The following KCNMB2 variants were observed in gnomAD, a reference collection of about 807,000 sequenced individuals.
The protein encoded by KCNMB2 is potassium calcium-activated channel subfamily M regulatory beta subunit 2.
Under a neutral mutation model 24.5 loss-of-function variants are expected in KCNMB2, and 9 were observed. The observed-to-expected ratio is 0.37, with a 90% confidence interval of 0.22 to 0.64. The LOEUF (loss-of-function observed/expected upper bound fraction) is 0.64, where lower values mean the gene tolerates loss of function less well. Among genes scored for constraint, KCNMB2 ranks in the 30% least tolerant of loss-of-function variants. The pLI, the probability that KCNMB2 is intolerant of heterozygous loss-of-function variation, is 0.63. For synonymous variants in KCNMB2, 109 were observed against 104.4 expected (o/e 1.04, Z -0.27); for missense variants, 226 against 284.3 (o/e 0.79, Z 1.47).
At chr3:178,654,963 A>G (rs111346588) in intron 1 of KCNMB2, among the ~76,000 whole-genome samples, 9 of 152,254 alleles carry the variant, frequency 5.9e-5, no homozygotes, top group African/African-American at 1.9e-4. Flanking sequence ...TACCTCAGAG[A>G]GCAGTCATGA....
At chr3:178,621,817 G>T (rs1274739521) in intron 1 of KCNMB2, among the ~76,000 whole-genome samples, 4 of 152,150 alleles carry the variant, frequency 2.6e-5, no homozygotes, top group Non-Finnish European at 5.9e-5. Context: ...GATCAGAAAG[G>T]TTAGTTAACT....
At chr3:178,695,276 C>A (rs13079900) in intron 1 of KCNMB2, among the ~76,000 whole-genome samples, 47,949 of 151,648 alleles carry the variant, frequency 0.32, 8,045 homozygotes, top group African/African-American at 0.43. Context: ...GCTCAGGAAA[C>A]CTTTTTTCCC....
intron 1 of KCNMB2, among the ~76,000 whole-genome samples, chr3:178,546,198 C>T (rs1715766946): frequency 6.6e-6 from 1 of 152,012 alleles, no homozygotes; most frequent in African/African-American, 2.4e-5. Flanking sequence ...AGAACTGGTA[C>T]AAAGAAAACT....
intron 1 of KCNMB2, among the ~76,000 whole-genome samples, chr3:178,552,263 C>A (rs866108321): frequency 6.6e-6 from 1 of 152,082 alleles, no homozygotes; most frequent in Non-Finnish European, 1.5e-5. Flanking sequence ...TGAGGAGTTG[C>A]GAAAGAGAAA....
chr3:178,750,243 C>T (rs1723798681), intron 1 of KCNMB2, among the ~76,000 whole-genome samples: 1 of 151,442 alleles, frequency 6.6e-6, no homozygotes, highest in Admixed American at 6.6e-5. Flanking sequence ...GAAAATAGGG[C>T]ATGGTGATGT....
chr3:178,537,075 T>A (rs539525953), intron 1 of KCNMB2, among the ~76,000 whole-genome samples: 1 of 152,148 alleles, frequency 6.6e-6, no homozygotes, highest in Non-Finnish European at 1.5e-5. Flanking sequence ...GTGGAAGGCA[T>A]AAAGGTCCAA....
intron 1 of KCNMB2, among the ~76,000 whole-genome samples, chr3:178,657,149 T>G (rs1459242108): frequency 6.6e-6 from 1 of 152,188 alleles, no homozygotes; most frequent in Admixed American, 6.5e-5. Flanking sequence ...GAGGCAATAT[T>G]AAACCTCAAT....
rs564324011 is a variant in KCNMB2, at chr3:178,760,250, C to CTA, written c.-67-47086_-67-47085dup. Among the ~76,000 whole-genome samples the CTA allele has an allele frequency of 2.5e-4, 10 of 40,098 alleles. 2 individuals are homozygous for CTA. Among genetic ancestry groups the CTA allele is most frequent in the African/African-American group, 1.3e-3 (9 of 6,772 alleles). The allele number at this position is 40,098 out of a possible 152,430, so 26.3% of individuals were successfully genotyped here. A position where few individuals can be genotyped will look rare whatever the true frequency, so the allele number is the denominator to read the frequency against. ...TATAGATATATCCAAGAGGATATAT[C>CTA]TATATATAGATATATCCAAGAGGAT... On this transcript the variant is annotated intron_variant, in intron 1 of 4. Coordinates refer to ENST00000452583, the MANE Select transcript of KCNMB2 (RefSeq NM_181361.3).
At chr3:178,745,023 T>G (rs915618844) in intron 1 of KCNMB2, among the ~76,000 whole-genome samples, 1 of 152,248 alleles carries the variant, frequency 6.6e-6, no homozygotes, top group African/African-American at 2.4e-5. Context: ...TGCCTCAGTT[T>G]ATTCTTCCAC....
intron 1 of KCNMB2, among the ~76,000 whole-genome samples, chr3:178,544,001 T>C: frequency 6.6e-6 from 1 of 152,196 alleles, no homozygotes; most frequent in Non-Finnish European, 1.5e-5. Context: ...TGTAAGTCTC[T>C]GAAAGGTTAA....
At chr3:178,664,584 A>G (rs1469116998) in intron 1 of KCNMB2, among the ~76,000 whole-genome samples, 1 of 152,128 alleles carries the variant, frequency 6.6e-6, no homozygotes, top group Non-Finnish European at 1.5e-5. Context: ...ATTATCAGTC[A>G]TTCTTTGTAC....
chr3:178,774,260 TCCTA>T (rs955919465), intron 1 of KCNMB2, among the ~76,000 whole-genome samples: 26 of 152,012 alleles, frequency 1.7e-4, no homozygotes, highest in African/African-American at 6.3e-4. Context: ...CCAGTTACAG[TCCTA>T]CCTTTCATGT....
chr3:178,765,448 T>C (rs1712075440), intron 1 of KCNMB2, among the ~76,000 whole-genome samples: 1 of 152,230 alleles, frequency 6.6e-6, no homozygotes, highest in Non-Finnish European at 1.5e-5. Context: ...TTTTCTTCTT[T>C]ATTTTTCCAA....
chr3:178,577,919 G>A (rs909166453), intron 1 of KCNMB2, among the ~76,000 whole-genome samples: 2 of 152,206 alleles, frequency 1.3e-5, no homozygotes, highest in African/African-American at 2.4e-5. Context: ...ACCTGAAAGT[G>A]ACAGGGAGAA....
chr3:178,735,624 T>C (rs147393091), intron 1 of KCNMB2, among the ~76,000 whole-genome samples: 97 of 152,272 alleles, frequency 6.4e-4, no homozygotes, highest in African/African-American at 2.3e-3. Context: ...TCAATACATA[T>C]CTAAAGTGGA....
At chr3:178,631,891 A>G (rs1343294718) in intron 1 of KCNMB2, among the ~76,000 whole-genome samples, 1 of 152,212 alleles carries the variant, frequency 6.6e-6, no homozygotes, top group Non-Finnish European at 1.5e-5. Context: ...ACATGGAGAA[A>G]ACAGCTATTC....
intron 1 of KCNMB2, among the ~76,000 whole-genome samples, chr3:178,703,510 C>G (rs1007777311): frequency 2.3e-5 from 3 of 132,728 alleles, no homozygotes; most frequent in Admixed American, 2.1e-4. Flanking sequence ...CAGGCACCCA[C>G]CCCCCCAAAA....
At chr3:178,604,741 T>C (rs1174216981) in intron 1 of KCNMB2, among the ~76,000 whole-genome samples, 1 of 152,228 alleles carries the variant, frequency 6.6e-6, no homozygotes, top group East Asian at 1.9e-4. Context: ...ATACTCATTC[T>C]GAAGTTACTT....
At chr3:178,731,968 G>A (rs1223098234) in intron 1 of KCNMB2, among the ~76,000 whole-genome samples, 1 of 152,120 alleles carries the variant, frequency 6.6e-6, no homozygotes, top group Admixed American at 6.6e-5. Context: ...AAGTACAGGG[G>A]ACAGAGGACC....
Sources: allele counts gnomAD v4.1 joint callset (sites outside exome capture counted in the v4.1 genomes callset), GRCh38; gene constraint gnomAD v4.1.1; transcripts MANE v1.5; gene names NCBI Gene and HGNC (gene_info 2026-07-23, HGNC 2026-07-21).